Variants in CEP112 observed in about 807,000 individuals in gnomAD.
CEP112 encodes the protein centrosomal protein of 112 kDa.
Under a neutral mutation model 153.0 loss-of-function variants are expected in CEP112, and 127 were observed. The observed-to-expected ratio is 0.83, with a 90% CI of 0.72 to 0.96. CEP112 has a LOEUF of 0.96. Ranked by LOEUF, CEP112 falls within the 40% of genes least tolerant of loss-of-function variation. CEP112 has a pLI of 0.00. For synonymous variants in CEP112, 358 were observed against 374.4 expected (o/e 0.96, Z 0.51); for missense variants, 1,089 against 1,101.2 (o/e 0.99, Z 0.16).
In CEP112 at chr17:65,722,563, T is replaced by C. The variant is rs116838151; in HGVS notation, c.2607+20505A>G. Among the ~76,000 whole-genome samples, 244 of 152,338 alleles carry C rather than the reference T, an allele frequency of 1.6e-3. 1 individual carries two copies. The highest frequency in any genetic ancestry group is 5.8e-3 in the African/African-American group (241 of 41,564). ...CATGCCTGGCCAGTAGAGCCAATTT[T>C]TTAAAGATTCTTTTCAGCTTCAAGA... On this transcript the variant is annotated intron_variant, in intron 23 of 26. Coordinates refer to ENST00000535342, the MANE Select transcript of CEP112 (RefSeq NM_001199165.4).
At chr17:66,011,217 A>G (rs1421714387) in intron 16 of CEP112, among the ~76,000 whole-genome samples, 1 of 151,800 alleles carries the variant, frequency 6.6e-6, no homozygotes, top group Non-Finnish European at 1.5e-5. Context: ...TTCGCATCTC[A>G]ATTTCCTTCA....
At chr17:65,741,523 A>T (rs1355643041) in intron 23 of CEP112, among the ~76,000 whole-genome samples, 1 of 150,824 alleles carries the variant, frequency 6.6e-6, no homozygotes, top group Non-Finnish European at 1.5e-5. Context: ...TAATTTAAAA[A>T]TTAAGTAATT....
At chr17:65,821,087 T>A (rs891934651) in intron 21 of CEP112, among the ~76,000 whole-genome samples, 17 of 143,170 alleles carry the variant, frequency 1.2e-4, no homozygotes, top group South Asian at 4.6e-4. Flanking sequence ...AGCCCTTTTT[T>A]AAAATAATAA....
intron 8 of CEP112, among the ~76,000 whole-genome samples, chr17:66,074,303 T>C (rs989524017): frequency 5.3e-5 from 8 of 152,008 alleles, no homozygotes; most frequent in Admixed American, 3.3e-4. Flanking sequence ...GAAAAAAAGA[T>C]TGAAGAATTG....
intron 22 of CEP112, among the ~76,000 whole-genome samples, chr17:65,745,109 A>T (rs2145185639): frequency 6.6e-6 from 1 of 152,364 alleles, no homozygotes; most frequent in African/African-American, 2.4e-5. Flanking sequence ...CATAAATAAT[A>T]GCATCTTGAC....
chr17:66,023,070 T>A (rs1007865691), intron 16 of CEP112, among the ~76,000 whole-genome samples: 1 of 151,976 alleles, frequency 6.6e-6, no homozygotes, highest in Admixed American at 6.6e-5. Context: ...TGGGACTACA[T>A]AAAGCAACTG....
At chr17:65,754,387 T>C (rs1691545366) in intron 21 of CEP112, among the ~76,000 whole-genome samples, 1 of 152,086 alleles carries the variant, frequency 6.6e-6, no homozygotes, top group South Asian at 2.1e-4. Flanking sequence ...GGCTGGCAGA[T>C]CACTTTAGGC....
At chr17:66,060,182 A>G (rs2066870609) in intron 11 of CEP112, among the ~76,000 whole-genome samples, 1 of 152,154 alleles carries the variant, frequency 6.6e-6, no homozygotes, top group Non-Finnish European at 1.5e-5. Context: ...GTTGGGCACT[A>G]TGCTCACTAC....
intron 12 of CEP112, among the ~76,000 whole-genome samples, chr17:66,034,201 T>C (rs1314522133): frequency 6.6e-6 from 1 of 152,214 alleles, no homozygotes; most frequent in East Asian, 1.9e-4. Flanking sequence ...CTGGAGTGAT[T>C]TCTGGCCATA....
intron 12 of CEP112, among the ~76,000 whole-genome samples, chr17:66,044,192 C>T (rs1337478011): frequency 6.6e-6 from 1 of 151,782 alleles, no homozygotes; most frequent in Non-Finnish European, 1.5e-5. Flanking sequence ...TTAAAAATTC[C>T]ATTGTGAATG....
At chr17:65,987,503 A>G (rs1269947875) in intron 17 of CEP112, among the ~76,000 whole-genome samples, 1 of 152,230 alleles carries the variant, frequency 6.6e-6, no homozygotes, top group Non-Finnish European at 1.5e-5. Context: ...AAACTTTTTA[A>G]GGGAAAATTT....
At chr17:65,937,528 C>A (rs1449339287) in intron 18 of CEP112, among the ~76,000 whole-genome samples, 4 of 136,502 alleles carry the variant, frequency 2.9e-5, no homozygotes, top group Admixed American at 8.4e-5. Flanking sequence ...AAGTGAGGAG[C>A]CCCTCTGCCC....
rs544069696 is a variant in CEP112, at chr17:66,155,645, G to A, written c.470+19399C>T. Among the ~76,000 whole-genome samples, 9 of 152,196 alleles carry A rather than the reference G, an allele frequency of 5.9e-5. No individual in the cohort carries two copies. The South Asian group carries it at 1.2e-3, about 21-fold the overall frequency. On this transcript the variant is annotated intron_variant, in intron 4 of 26. Coordinates refer to ENST00000535342, the MANE Select transcript of CEP112 (RefSeq NM_001199165.4). ...AGAGCCCAACAAGCTAAGATCCAAC[G>A]GCTTGAAATTCTCACTGCCAGCACA...
intron 22 of CEP112, among the ~76,000 whole-genome samples, chr17:65,744,767 T>G (rs2051347318): frequency 6.6e-6 from 1 of 152,254 alleles, no homozygotes; most frequent in Non-Finnish European, 1.5e-5. Flanking sequence ...TATATTTAAT[T>G]GGCCTTATGA....
chr17:65,930,009 T>A (rs1044916567), intron 18 of CEP112, among the ~76,000 whole-genome samples: 1 of 152,228 alleles, frequency 6.6e-6, no homozygotes, highest in East Asian at 1.9e-4. Flanking sequence ...AGTATTTTAC[T>A]TGTCTTTAAA....
At chr17:66,149,611 C>T (rs879009423) in intron 4 of CEP112, among the ~76,000 whole-genome samples, 3 of 152,060 alleles carry the variant, frequency 2.0e-5, no homozygotes, top group Admixed American at 1.3e-4. Context: ...AATATATTGA[C>T]ATATGGTTGC....
chr17:65,922,612 C>T (rs980986039), intron 19 of CEP112, among the ~76,000 whole-genome samples: 5 of 152,090 alleles, frequency 3.3e-5, no homozygotes, highest in African/African-American at 9.7e-5. Context: ...AATTTTAAAA[C>T]TCCCACAGAG....
chr17:65,719,228 G>GC (rs987274103), intron 23 of CEP112, among the ~76,000 whole-genome samples: 17 of 152,196 alleles, frequency 1.1e-4, no homozygotes, highest in Admixed American at 1.3e-4. Context: ...CCAGTCCGTT[G>GC]CATCTGGCTC....
chr17:65,852,087 AAAG>A, intron 20 of CEP112, 53 bp from the exon 21 acceptor site: 1 of 1,297,718 alleles, frequency 7.7e-7, no homozygotes, highest in Non-Finnish European at 1.1e-6. Flanking sequence ...GGAAGTCACA[AAAG>A]AAGAACCAAT....
Sources: allele counts gnomAD v4.1 joint callset (sites outside exome capture counted in the v4.1 genomes callset), GRCh38; gene constraint gnomAD v4.1.1; transcripts MANE v1.5; gene names NCBI Gene and HGNC (gene_info 2026-07-23, HGNC 2026-07-21).